The following TBX1 variants were observed in gnomAD, a reference collection of about 807,000 sequenced individuals.
TBX1 encodes T-box transcription factor TBX1.
TBX1 carries 16 observed loss-of-function variants against 40.8 expected under a neutral mutation model. The ratio of observed to expected loss-of-function variants is 0.39; its 90% CI spans 0.27 to 0.60. The LOEUF (loss-of-function observed/expected upper bound fraction) is 0.60. Ranked by LOEUF, TBX1 falls within the 20% of genes least tolerant of loss-of-function variation. The pLI is 0.51. For missense variants in TBX1, 755 were observed against 728.5 expected (o/e 1.04, Z -0.42); for synonymous variants, 403 against 336.8 (o/e 1.20, Z -2.15).
At position 19,774,285 on chromosome 22, in the gene TBX1, C is replaced by T. The variant is rs1569029242; in HGVS notation, c.1010-4935C>T. The stretch of plus-strand genomic sequence containing the variant: ...CAAGACCCGCCTGGGCGGGCCTAGG[C>T]ACCTGTAGTCCCAGCTACTCAGGAG... On this transcript the variant is annotated intron_variant, in intron 8 of 8. Coordinates refer to the TBX1 transcript ENST00000329705. 2.6e-5 allele frequency among the ~76,000 whole-genome samples: 4 copies of T among 152,146 alleles called. 1 individual carries two copies. Among genetic ancestry groups the T allele is most frequent in the Non-Finnish European group, 5.9e-5 (4 of 68,032 alleles).
At chr22:19,783,363 G>A (rs9680615), downstream of TBX1, 45,628 of 358,904 alleles carry the variant, frequency 0.13, 3,471 homozygotes, top group Non-Finnish European at 0.17. Flanking sequence ...GAGGTGGCAG[G>A]GGACAGATGT....
At chr22:19,765,346 C>G (rs956882321) in intron 4 of TBX1, among the ~76,000 whole-genome samples, 4 of 152,296 alleles carry the variant, frequency 2.6e-5, no homozygotes, top group East Asian at 1.9e-4. Flanking sequence ...ACTGTCACTT[C>G]GTCCTGAAAG....
chr22:19,779,645 A>C, downstream of TBX1: 9 of 968,320 alleles, frequency 9.3e-6, no homozygotes, highest in Non-Finnish European at 1.3e-5. Context: ...CTGTAAACTC[A>C]TTATAAACAC....
chr22:19,760,215 T>G (rs1449459808), upstream of TBX1, among the ~76,000 whole-genome samples: 2 of 126,152 alleles, frequency 1.6e-5, no homozygotes, highest in Admixed American at 7.6e-5. Flanking sequence ...GACTTTAGTT[T>G]TTTTTTTTTT....
chr22:19,767,378 G>A (rs1936900952), downstream of TBX1: 4 of 986,376 alleles, frequency 4.1e-6, no homozygotes, highest in African/African-American at 1.7e-5. Context: ...AGATCGCGTT[G>A]GGAATCTTCG....
At chr22:19,756,708 A>T (rs1328166074), upstream of TBX1, 1 of 152,232 alleles carries the variant, frequency 6.6e-6, no homozygotes, top group Non-Finnish European at 1.5e-5. Context: ...TGCGGCCGGC[A>T]GGGGGAGCGA....
At chr22:19,772,309 C>T (rs2145845893), downstream of TBX1, among the ~76,000 whole-genome samples, 1 of 150,540 alleles carries the variant, frequency 6.6e-6, no homozygotes, top group Admixed American at 6.6e-5. Flanking sequence ...ACCATGTTGG[C>T]CTTTTTTTCT....
In TBX1 at chr22:19,779,260, G is replaced by A. The variant is rs1033285427; in HGVS notation, c.1050G>A (p.Thr350=). The change falls in exon 9 of 9, where the codon ACG becomes ACA. Residue 350 remains threonine, a synonymous_variant. Coordinates refer to the TBX1 transcript ENST00000329705. ...AGGACAAGGAAGTGAAAGCTGAGAC[G>A]TCTAGGAACACACCAGAGAGAGAAG... The A allele has an allele frequency of 8.7e-6, 14 of 1,614,126 alleles. No homozygotes were observed. The East Asian group carries it at 2.2e-4, about 26-fold the overall frequency.
chr22:19,759,403 G>T, upstream of TBX1: 1 of 854,230 alleles, frequency 1.2e-6, no homozygotes, highest in Non-Finnish European at 1.4e-6. Context: ...ACAGGCCCCC[G>T]CCCCCGGACT....
intron 8 of TBX1, chr22:19,779,143 A>T: frequency 6.5e-7 from 1 of 1,527,882 alleles, no homozygotes. Context: ...ACATTTGTGC[A>T]GTCTGATCTG....
At chr22:19,771,166 C>T (rs1440506136), downstream of TBX1, among the ~76,000 whole-genome samples, 1 of 152,206 alleles carries the variant, frequency 6.6e-6, no homozygotes, top group Non-Finnish European at 1.5e-5. Flanking sequence ...CCTTCACCCC[C>T]CGCCCTGAAG....
chr22:19,778,128 G>A (rs1421580362), intron 8 of TBX1, among the ~76,000 whole-genome samples: 1 of 152,012 alleles, frequency 6.6e-6, no homozygotes, highest in Non-Finnish European at 1.5e-5. Context: ...ATCTTGCTCT[G>A]TCACCCAGGC....
rs745479292 is a variant in TBX1, at chr22:19,766,865, T to A, written c.1513T>A (p.Ter505LysextTer100). ...PPGSYDYCPR[*>K] The stretch of plus-strand genomic sequence containing the variant: ...CGGCTCCTACGACTATTGCCCCAGA[T>A]AACACGGGCCCTGTCGCGCTCCCGC... The change falls in exon 7 of 7, where the codon TAA (stop) becomes AAA (lysine). Residue 505 changes from the stop codon to lysine (K), a stop_lost. Transcript: ENST00000649276. 1 of 1,582,696 alleles carries A rather than the reference T, an allele frequency of 6.3e-7. No homozygotes were observed. The highest frequency in any genetic ancestry group is 1.7e-5 in the Admixed American group (1 of 59,070).
chr22:19,766,406 C>G lies in TBX1; in HGVS notation c.1054C>G (p.Arg352Gly). 7.5e-7 allele frequency: 1 copy of G among 1,341,694 alleles called. No individual in the cohort carries two copies. Among genetic ancestry groups the G allele is most frequent in the Non-Finnish European group, 9.6e-7 (1 of 1,045,660 alleles). 83.1% of individuals were successfully genotyped at this position (1,341,694 alleles called of 1,614,324 possible). A position where few individuals can be genotyped will look rare whatever the true frequency, so the allele number is the denominator to read the frequency against. Residue 352 changes from arginine to glycine, a missense_variant, in exon 7 of 7, where the codon CGA becomes GGA. Physicochemically the swap from Arg to Gly is moderately radical, Grantham distance 125. Coordinates refer to ENST00000649276, the MANE Select transcript of TBX1 (RefSeq NM_001379200.1). ...GTEKDAAEAR[R>G]EFQRDAGGPA... ...CTCCGCAGACGCGGCTGAGGCCCGGCGAGAATTCCAGCGCGACGCGGGCGG... is the reference window on the plus strand; with the variant it reads ...CTCCGCAGACGCGGCTGAGGCCCGGGGAGAATTCCAGCGCGACGCGGGCGG...
chr22:19,765,950 G>C lies in TBX1; in HGVS notation c.984G>C (p.Ala328=). 1 of 1,522,552 alleles carries C rather than the reference G, an allele frequency of 6.6e-7. No homozygotes were observed. The highest frequency in any genetic ancestry group is 8.8e-7 in the Non-Finnish European group (1 of 1,138,444). 94.3% of individuals were successfully genotyped at this position (1,522,552 alleles called of 1,614,324 possible). Residue 328 remains alanine, a synonymous_variant, in exon 6 of 7, where the codon GCG becomes GCC. Coordinates refer to ENST00000649276, the MANE Select transcript of TBX1 (RefSeq NM_001379200.1). ...PGALPLMSAF[A]RSRNPVASPT... ...CACTGCCGCTCATGAGCGCCTTCGC[G>C]CGCTCGCGGAACCCCGTGGCTTCCC...
chr22:19,767,753 G>T (rs1413517504), downstream of TBX1, among the ~76,000 whole-genome samples: 2 of 152,246 alleles, frequency 1.3e-5, no homozygotes, highest in African/African-American at 4.8e-5. Flanking sequence ...TGGAAGCTGG[G>T]AAGAAGGGTC....
chr22:19,761,315 C>T, intron 1 of TBX1, 35 bp downstream of exon 1: 1 of 1,521,098 alleles, frequency 6.6e-7, no homozygotes, highest in Non-Finnish European at 8.9e-7. Context: ...CGACCCTCCC[C>T]ACGTGCTGCC....
downstream of TBX1, among the ~76,000 whole-genome samples, chr22:19,769,437 T>A (rs1352990770): frequency 6.6e-6 from 1 of 152,148 alleles, no homozygotes. Context: ...CCTTTGTAGA[T>A]GAGTTTGTGC....
downstream of TBX1, among the ~76,000 whole-genome samples, chr22:19,768,931 G>T (rs1189554278): frequency 1.4e-5 from 2 of 145,326 alleles, no homozygotes; most frequent in African/African-American, 5.1e-5. Context: ...GCCGCCGCTG[G>T]CCATCCGGGG....
Sources: allele counts gnomAD v4.1 joint callset (sites outside exome capture counted in the v4.1 genomes callset), GRCh38; gene constraint gnomAD v4.1.1; transcripts MANE v1.5; gene names NCBI Gene and HGNC (gene_info 2026-07-23, HGNC 2026-07-21).